The following TBCA variants were observed in gnomAD, a reference collection of about 807,000 sequenced individuals.
TBCA encodes tubulin folding cofactor A.
TBCA carries 6 observed loss-of-function variants against 15.8 expected under a neutral mutation model. The observed-to-expected ratio is 0.38, with a 90% CI of 0.21 to 0.75. The LOEUF (loss-of-function observed/expected upper bound fraction) is 0.75. Ranked by LOEUF, TBCA falls within the 30% of genes least tolerant of loss-of-function variation. The probability of loss-of-function intolerance (pLI) is 0.46; values close to 1 mark genes in which losing one functional copy is unlikely to be tolerated. For missense variants in TBCA, 90 were observed against 131.2 expected, an observed-to-expected ratio of 0.69 and a Z score of 1.53; for synonymous variants, 32 against 42.3, an observed-to-expected ratio of 0.76 and a Z score of 0.94.
chr5:77,732,284 T>C (rs940613931), intron 1 of TBCA, among the ~76,000 whole-genome samples: 2 of 152,192 alleles, frequency 1.3e-5, no homozygotes, highest in Non-Finnish European at 2.9e-5. Flanking sequence ...TATGAAATCA[T>C]ACACAGGCAT....
chr5:77,763,430 AT>A (rs963670467), intron 1 of TBCA, among the ~76,000 whole-genome samples: 1 of 152,136 alleles, frequency 6.6e-6, no homozygotes, highest in Non-Finnish European at 1.5e-5. Flanking sequence ...AAAGGGTACA[AT>A]CCCTTTGGAA....
rs1434617614 is a variant in TBCA, at chr5:77,691,189, G to A, written c.*229C>T. 6.3e-6 allele frequency: 3 copies of A among 473,244 alleles called. No individual in the cohort carries two copies. The highest frequency in any genetic ancestry group is 2.1e-5 in the African/African-American group (1 of 48,540). 29.3% of individuals were successfully genotyped at this position (473,244 alleles called of 1,614,324 possible). A position where few individuals can be genotyped will look rare whatever the true frequency, so the allele number is the denominator to read the frequency against. ...AGTTCTCTGTCATAAAGTCTATGTG[G>A]TTTAATGATAAAAGGTTAATTTAAA... On this transcript the variant is annotated 3_prime_UTR_variant, in exon 4 of 4. Transcript: ENST00000380377.
intron 1 of TBCA, among the ~76,000 whole-genome samples, chr5:77,741,258 T>C (rs1375548176): frequency 6.6e-6 from 1 of 152,220 alleles, no homozygotes; most frequent in Non-Finnish European, 1.5e-5. Flanking sequence ...TTTGGTGTTG[T>C]TTCTGTAAGA....
chr5:77,704,111 T>A (rs780183482), intron 2 of TBCA, among the ~76,000 whole-genome samples: 1 of 152,164 alleles, frequency 6.6e-6, no homozygotes, highest in African/African-American at 2.4e-5. Context: ...TTTTTCTTTA[T>A]AAGTTACCCA....
intron 1 of TBCA, among the ~76,000 whole-genome samples, chr5:77,741,206 T>C (rs1747021940): frequency 1.3e-5 from 2 of 152,170 alleles, no homozygotes; most frequent in African/African-American, 2.4e-5. Flanking sequence ...GATAATTCCT[T>C]TGCCAAGTGT....
chr5:77,751,473 C>CG (rs1747340805), intron 1 of TBCA, among the ~76,000 whole-genome samples: 1 of 151,858 alleles, frequency 6.6e-6, no homozygotes, highest in Admixed American at 6.6e-5. Flanking sequence ...GCCACCGCGC[C>CG]GGCCAGCCTG....
At chr5:77,722,137 T>C (rs1746542297) in intron 1 of TBCA, among the ~76,000 whole-genome samples, 1 of 152,070 alleles carries the variant, frequency 6.6e-6, no homozygotes, top group Admixed American at 6.5e-5. Context: ...TTCAGGACCC[T>C]GACTGTGGAT....
intron 1 of TBCA, among the ~76,000 whole-genome samples, chr5:77,747,403 A>T (rs1206246693): frequency 6.6e-6 from 1 of 152,148 alleles, no homozygotes; most frequent in Admixed American, 6.5e-5. Context: ...CTACATTAAG[A>T]ACTCTTAAAG....
At chr5:77,691,855 C>G in intron 3 of TBCA, 2 of 1,005,050 alleles carry the variant, frequency 2.0e-6, no homozygotes, top group Non-Finnish European at 1.2e-6. Context: ...GGAAGATTTA[C>G]TAACATGTTA....
intron 1 of TBCA, among the ~76,000 whole-genome samples, chr5:77,742,385 CCTT>C (rs1383475517): frequency 6.6e-6 from 1 of 152,140 alleles, no homozygotes; most frequent in Non-Finnish European, 1.5e-5. Flanking sequence ...TCATCCCTCC[CCTT>C]CTTCTCCCAA....
At chr5:77,723,484 T>G (rs939535213) in intron 1 of TBCA, among the ~76,000 whole-genome samples, 1 of 152,094 alleles carries the variant, frequency 6.6e-6, no homozygotes, top group African/African-American at 2.4e-5. Flanking sequence ...ATGGGTAGCA[T>G]TTTTATTATG....
At chr5:77,708,982 CTTTT>C (rs35555938) in intron 1 of TBCA, among the ~76,000 whole-genome samples, 2 of 141,356 alleles carry the variant, frequency 1.4e-5, no homozygotes, top group African/African-American at 2.6e-5. Context: ...ATACAACTGT[CTTTT>C]TTTTTTTTTT....
intron 1 of TBCA, among the ~76,000 whole-genome samples, chr5:77,763,163 G>C (rs1043310261): frequency 2.6e-5 from 4 of 152,150 alleles, no homozygotes; most frequent in African/African-American, 2.4e-5. Context: ...AGAATGGCGT[G>C]AACCCGGGAG....
At chr5:77,769,397 T>G (rs1166263044) in intron 1 of TBCA, among the ~76,000 whole-genome samples, 1 of 152,230 alleles carries the variant, frequency 6.6e-6, no homozygotes, top group African/African-American at 2.4e-5. Context: ...TCCACCATAC[T>G]TCTATGCACC....
At chr5:77,725,491 C>T (rs573086500) in intron 1 of TBCA, among the ~76,000 whole-genome samples, 1 of 152,250 alleles carries the variant, frequency 6.6e-6, no homozygotes, top group Admixed American at 6.5e-5. Flanking sequence ...TAAATTCTAG[C>T]CTGATTGCTA....
intron 1 of TBCA, among the ~76,000 whole-genome samples, chr5:77,735,699 A>C (rs778643366): frequency 5.9e-5 from 9 of 152,202 alleles, no homozygotes; most frequent in Non-Finnish European, 1.0e-4. Context: ...CTACTCTATT[A>C]AAAATTCAAT....
chr5:77,744,307 T>C (rs1580122713), intron 1 of TBCA, among the ~76,000 whole-genome samples: 1 of 152,112 alleles, frequency 6.6e-6, no homozygotes, highest in Non-Finnish European at 1.5e-5. Flanking sequence ...GTGAGGGTTC[T>C]ACTACCATCT....
At chr5:77,727,681 T>C (rs1483536092) in intron 1 of TBCA, among the ~76,000 whole-genome samples, 3 of 152,172 alleles carry the variant, frequency 2.0e-5, no homozygotes, top group Non-Finnish European at 4.4e-5. Context: ...GAAAAAGATA[T>C]TAAGCTTTTC....
chr5:77,693,429 T>C (rs1357412126), intron 2 of TBCA, 77 bp from the exon 3 acceptor site: 14 of 1,488,030 alleles, frequency 9.4e-6, no homozygotes, highest in African/African-American at 1.4e-5. Flanking sequence ...GGTAAGTATA[T>C]CCTTATTAAG....
Sources: gnomAD v4.1 joint callset for allele counts (sites outside exome capture counted in the v4.1 genomes callset) on GRCh38, gnomAD v4.1.1 for gene constraint, MANE v1.5 for transcripts, NCBI Gene and HGNC (gene_info 2026-07-23, HGNC 2026-07-21) for gene names.